SRGAP1: variants seen among roughly 807,000 people sequenced by gnomAD.
SRGAP1 encodes SLIT-ROBO Rho GTPase activating protein 1.
In SRGAP1, 43 loss-of-function variants were observed where a neutral mutation model predicts 121.9. The observed-to-expected ratio is 0.35, with a 90% CI of 0.28 to 0.46. The LOEUF is 0.46. Among genes scored for constraint, SRGAP1 ranks in the 20% least tolerant of loss-of-function variants. The pLI is 1.00. For synonymous variants in SRGAP1, 447 were observed against 485.4 expected, an observed-to-expected ratio of 0.92 and a Z score of 1.04; for missense variants, 1,102 against 1,350.9, an observed-to-expected ratio of 0.82 and a Z score of 2.89.
intron 1 of SRGAP1, among the ~76,000 whole-genome samples, chr12:63,959,058 TGA>T (rs2032558516): frequency 6.6e-6 from 1 of 152,188 alleles, no homozygotes; most frequent in Admixed American, 6.5e-5. Flanking sequence ...TACCAGAAGA[TGA>T]GAGTTACTTT....
intron 1 of SRGAP1, among the ~76,000 whole-genome samples, chr12:63,929,378 T>G (rs1436280114): frequency 6.6e-6 from 1 of 152,220 alleles, no homozygotes. Context: ...GCTCTTTAAG[T>G]TCTTGTTAAA....
At chr12:64,002,164 A>G (rs2033919601) in intron 3 of SRGAP1, among the ~76,000 whole-genome samples, 1 of 152,210 alleles carries the variant, frequency 6.6e-6, no homozygotes, top group Admixed American at 6.5e-5. Flanking sequence ...CTGTGACACA[A>G]AAAGCAGAAA....
At chr12:64,016,100 G>A (rs1565640658) in intron 3 of SRGAP1, among the ~76,000 whole-genome samples, 1 of 152,050 alleles carries the variant, frequency 6.6e-6, no homozygotes, top group African/African-American at 2.4e-5. Flanking sequence ...AATAATAAAT[G>A]CAGAGGTAAA....
intron 1 of SRGAP1, among the ~76,000 whole-genome samples, chr12:63,978,511 T>C (rs1021310680): frequency 6.6e-6 from 1 of 152,244 alleles, no homozygotes; most frequent in South Asian, 2.1e-4. Context: ...GTTTTCAAGG[T>C]TCATCCATGT....
intron 18 of SRGAP1, among the ~76,000 whole-genome samples, chr12:64,121,761 T>C (rs1203492232): frequency 6.6e-6 from 1 of 152,214 alleles, no homozygotes; most frequent in Non-Finnish European, 1.5e-5. Flanking sequence ...CCATCTGCCT[T>C]TTACCTCTTG....
At chr12:63,938,144 A>C (rs2031732545) in intron 1 of SRGAP1, among the ~76,000 whole-genome samples, 3 of 152,228 alleles carry the variant, frequency 2.0e-5, no homozygotes, top group African/African-American at 7.2e-5. Context: ...GCCCAGGGCA[A>C]GGGAGATGCA....
rs547599875 is a variant in SRGAP1 at position 64,033,961 on chromosome 12, G to A, written c.490-8829G>A. On this transcript the variant is annotated intron_variant, in intron 4 of 21. Transcript: ENST00000355086. ...CTTGAACCCGGTGTGAGGGGGTAGT[G>A]GAGGTTGCAATGAGCCGAGATCACA... Among the ~76,000 whole-genome samples the A allele has an allele frequency of 7.3e-5, 11 of 151,136 alleles. No individual in the cohort carries two copies. The South Asian group carries it at 2.3e-3, about 32-fold the overall frequency.
intron 21 of SRGAP1, among the ~76,000 whole-genome samples, chr12:64,131,321 A>G (rs1416407385): frequency 6.6e-6 from 1 of 152,234 alleles, no homozygotes; most frequent in Non-Finnish European, 1.5e-5. Context: ...TTTTGCAATC[A>G]TACTTCTTCT....
At chr12:63,856,239 C>T (rs958802512) in intron 1 of SRGAP1, among the ~76,000 whole-genome samples, 3 of 150,274 alleles carry the variant, frequency 2.0e-5, no homozygotes, top group East Asian at 2.0e-4. Flanking sequence ...GCAACAAGAG[C>T]GAAACTCCGT....
intron 21 of SRGAP1, among the ~76,000 whole-genome samples, chr12:64,139,070 T>G (rs536436134): frequency 1.1e-3 from 172 of 152,374 alleles, no homozygotes; most frequent in Middle Eastern, 6.8e-3. Flanking sequence ...CCTATATAAA[T>G]GTCTGGAGGA....
intron 21 of SRGAP1, among the ~76,000 whole-genome samples, chr12:64,131,490 G>T (rs1398626046): frequency 6.6e-6 from 1 of 152,168 alleles, no homozygotes; most frequent in Non-Finnish European, 1.5e-5. Context: ...GTCCTTCAGG[G>T]ATGTCCTAGA....
chr12:64,122,033 T>G (rs753168842), intron 18 of SRGAP1, among the ~76,000 whole-genome samples: 5 of 152,150 alleles, frequency 3.3e-5, no homozygotes, highest in African/African-American at 4.8e-5. Flanking sequence ...AAAACCATTC[T>G]CTGCAAGGAC....
intron 3 of SRGAP1, among the ~76,000 whole-genome samples, chr12:63,998,300 CAG>C (rs1320709484): frequency 3.3e-5 from 5 of 152,270 alleles, no homozygotes; most frequent in African/African-American, 9.6e-5. Context: ...ATTTACATAA[CAG>C]AAGTTTCAAG....
intron 4 of SRGAP1, among the ~76,000 whole-genome samples, chr12:64,039,135 A>C (rs2034957163): frequency 6.6e-6 from 1 of 152,210 alleles, no homozygotes; most frequent in Non-Finnish European, 1.5e-5. Flanking sequence ...TTTAGCGTTT[A>C]TCTCCCCAAC....
chr12:63,871,159 A>C (rs1899840245), intron 1 of SRGAP1, among the ~76,000 whole-genome samples: 1 of 152,192 alleles, frequency 6.6e-6, no homozygotes. Context: ...TAGCCAATTT[A>C]AATGCTAATT....
At chr12:63,979,960 A>G (rs2033202607) in intron 1 of SRGAP1, among the ~76,000 whole-genome samples, 2 of 152,194 alleles carry the variant, frequency 1.3e-5, no homozygotes, top group Admixed American at 6.5e-5. Flanking sequence ...TGTAGTTCCC[A>G]TGATGACAGT....
At chr12:63,947,806 TCAC>T (rs2032097366) in intron 1 of SRGAP1, among the ~76,000 whole-genome samples, 1 of 152,230 alleles carries the variant, frequency 6.6e-6, no homozygotes, top group African/African-American at 2.4e-5. Context: ...CTCATTGCAC[TCAC>T]CACAACCTTT....
At chr12:64,088,965 GCTCTCTTGGAC>G (rs1303635253) in intron 11 of SRGAP1, among the ~76,000 whole-genome samples, 2 of 152,182 alleles carry the variant, frequency 1.3e-5, no homozygotes, top group African/African-American at 4.8e-5. Flanking sequence ...CAGATGTGAA[GCTCTCTTGGAC>G]CTTATTGTAA....
At chr12:63,945,892 T>G (rs1413300547) in intron 1 of SRGAP1, among the ~76,000 whole-genome samples, 2 of 152,196 alleles carry the variant, frequency 1.3e-5, no homozygotes, top group Non-Finnish European at 2.9e-5. Context: ...AGCAGTGATC[T>G]GGGCAGGACT....
Sources: gnomAD v4.1 joint callset for allele counts (sites outside exome capture counted in the v4.1 genomes callset) on GRCh38, gnomAD v4.1.1 for gene constraint, MANE v1.5 for transcripts, NCBI Gene and HGNC (gene_info 2026-07-23, HGNC 2026-07-21) for gene names.